FAM227A: variants seen among roughly 807,000 people sequenced by gnomAD.
FAM227A encodes the protein family with sequence similarity 227 member A.
In FAM227A, 80 loss-of-function variants were observed where a neutral mutation model predicts 74.7. That is an observed-to-expected ratio of 1.07 (90% CI 0.89 to 1.29). The LOEUF is 1.29. Among genes scored for constraint, FAM227A ranks in the 50% most tolerant of loss-of-function variants. FAM227A has a pLI of 0.00. For synonymous variants in FAM227A, 237 were observed against 241.8 expected, an observed-to-expected ratio of 0.98 and a Z score of 0.19; for missense variants, 654 against 683.4, an observed-to-expected ratio of 0.96 and a Z score of 0.48.
chr22:38,611,009 G>A (rs951723786), intron 11 of FAM227A, among the ~76,000 whole-genome samples: 11 of 152,130 alleles, frequency 7.2e-5, no homozygotes, highest in Non-Finnish European at 1.3e-4. Context: ...GCAGTGAGCC[G>A]AGATTGTGCC....
chr22:38,597,101 C>A, intron 15 of FAM227A, 103 bp downstream of exon 15: 1 of 1,076,302 alleles, frequency 9.3e-7, no homozygotes, highest in Non-Finnish European at 1.4e-6. Flanking sequence ...ATGATGGTTA[C>A]AGGAAACCCC....
In FAM227A at chr22:38,645,545, C is replaced by G. The variant is rs749833265; in HGVS notation, c.225+18G>C. The G allele has an allele frequency of 1.0e-5, 16 of 1,541,528 alleles. No homozygotes were observed. Among genetic ancestry groups the G allele is most frequent in the South Asian group, 1.2e-5 (1 of 83,780 alleles). On this transcript the variant is annotated intron_variant, in intron 3 of 16. Transcript: ENST00000535113. Reference sequence around the variant, plus strand: ...CCCTGTCAGAAGCTTTGTCTCAGCTCCAGCATAGGTAACTCACCAGGCTGT... The same window carrying G: ...CCCTGTCAGAAGCTTTGTCTCAGCTGCAGCATAGGTAACTCACCAGGCTGT...
Position 38,597,391 on chromosome 22 carries a change from G to A in FAM227A, c.1380-35C>T, listed in dbSNP as rs549176732. The A allele has an allele frequency of 3.2e-6, 5 of 1,549,376 alleles. No homozygotes were observed. In the African/African-American group the frequency reaches 4.1e-5, roughly 13 times the overall value. On this transcript the variant is annotated intron_variant, in intron 14 of 16. Transcript: ENST00000535113. Reference sequence around the variant, plus strand: ...GCTGTCAAGGAAATCCCCGTACTGTGGAACTGTGTTGACGCTGCATTATTA... The same window carrying A: ...GCTGTCAAGGAAATCCCCGTACTGTAGAACTGTGTTGACGCTGCATTATTA...
At chr22:38,626,836 C>G (rs1261887864) in intron 8 of FAM227A, among the ~76,000 whole-genome samples, 2 of 123,278 alleles carry the variant, frequency 1.6e-5, no homozygotes, top group African/African-American at 6.5e-5. Flanking sequence ...ACCGTGCACT[C>G]CAGCCTGGGC....
intron 2 of FAM227A, among the ~76,000 whole-genome samples, chr22:38,646,700 CCATT>C (rs1332322825): frequency 6.6e-6 from 1 of 151,588 alleles, no homozygotes; most frequent in East Asian, 1.9e-4. Flanking sequence ...GGCCACTCTT[CCATT>C]CATTATTATG....
chr22:38,592,335 A>C (rs1324790019), intron 15 of FAM227A, among the ~76,000 whole-genome samples: 1 of 152,190 alleles, frequency 6.6e-6, no homozygotes, highest in Non-Finnish European at 1.5e-5. Flanking sequence ...AAAAATCTTT[A>C]CTACAATTCA....
intron 11 of FAM227A, among the ~76,000 whole-genome samples, chr22:38,612,967 A>G (rs1320465923): frequency 6.8e-6 from 1 of 146,022 alleles, no homozygotes; most frequent in Non-Finnish European, 1.5e-5. Flanking sequence ...AACTTTGGTG[A>G]TGATTCCTCC....
At chr22:38,623,029 A>G in intron 10 of FAM227A, 143 bp downstream of exon 10, 1 of 624,314 alleles carries the variant, frequency 1.6e-6, no homozygotes, top group Non-Finnish European at 2.9e-6. Flanking sequence ...CACAAGCACG[A>G]AGAATTTTGG....
At chr22:38,588,762 T>C (rs901382858) in intron 16 of FAM227A, among the ~76,000 whole-genome samples, 1 of 101,688 alleles carries the variant, frequency 9.8e-6, no homozygotes. Context: ...CTACTAAAAA[T>C]ACAAAAAAAA....
chr22:38,648,450 A>G (rs1325664506), intron 2 of FAM227A, among the ~76,000 whole-genome samples: 1 of 151,272 alleles, frequency 6.6e-6, no homozygotes, highest in Non-Finnish European at 1.5e-5. Context: ...TCTTCTAAAA[A>G]TACAAAATTA....
intron 15 of FAM227A, among the ~76,000 whole-genome samples, chr22:38,593,547 T>A (rs935634745): frequency 3.3e-5 from 5 of 151,954 alleles, no homozygotes; most frequent in South Asian, 2.1e-4. Context: ...AAATAAAGCA[T>A]AATGAACAAC....
At chr22:38,633,546 T>G (rs577052760) in intron 6 of FAM227A, among the ~76,000 whole-genome samples, 2 of 152,212 alleles carry the variant, frequency 1.3e-5, no homozygotes, top group South Asian at 4.1e-4. Context: ...AACTATAATA[T>G]TTTTTTGTTT....
At chr22:38,622,118 T>C (rs867783465) in intron 10 of FAM227A, among the ~76,000 whole-genome samples, 7 of 152,232 alleles carry the variant, frequency 4.6e-5, no homozygotes, top group Admixed American at 6.5e-5. Context: ...ACCACCCCTT[T>C]TTCCAGAAAT....
At chr22:38,635,976 G>C (rs887341982) in intron 6 of FAM227A, among the ~76,000 whole-genome samples, 4 of 150,452 alleles carry the variant, frequency 2.7e-5, no homozygotes, top group Admixed American at 1.3e-4. Context: ...GGGTACAGAG[G>C]GAGACCCTGT....
intron 10 of FAM227A, among the ~76,000 whole-genome samples, chr22:38,621,803 T>C (rs2091696948): frequency 1.3e-5 from 2 of 152,210 alleles, no homozygotes; most frequent in Non-Finnish European, 2.9e-5. Flanking sequence ...GGAGAGATGC[T>C]GATGCTGCAG....
At chr22:38,605,487 G>C in intron 12 of FAM227A, 139 bp from the exon 13 acceptor site, 1 of 600,902 alleles carries the variant, frequency 1.7e-6, no homozygotes, top group Non-Finnish European at 3.0e-6. Context: ...ACGGGGTTTC[G>C]CCATGTTGAC....
At chr22:38,617,389 G>A (rs375978397) in intron 11 of FAM227A, among the ~76,000 whole-genome samples, 5 of 150,102 alleles carry the variant, frequency 3.3e-5, no homozygotes, top group African/African-American at 4.9e-5. Context: ...TCCGCCTCCC[G>A]GGTTAAAGCA....
intron 13 of FAM227A, among the ~76,000 whole-genome samples, chr22:38,600,318 A>G (rs930748668): frequency 7.0e-5 from 10 of 142,454 alleles, no homozygotes; most frequent in East Asian, 3.9e-4. Context: ...GTATGTATGT[A>G]TATATATATA....
chr22:38,646,494 C>T (rs2145721921), intron 2 of FAM227A, among the ~76,000 whole-genome samples: 1 of 150,368 alleles, frequency 6.7e-6, no homozygotes, highest in Middle Eastern at 3.4e-3. Context: ...GATCTCCTGA[C>T]CTCGTGATCC....
Sources: gnomAD v4.1 joint callset for allele counts (sites outside exome capture counted in the v4.1 genomes callset) on GRCh38, gnomAD v4.1.1 for gene constraint, MANE v1.5 for transcripts, NCBI Gene and HGNC (gene_info 2026-07-23, HGNC 2026-07-21) for gene names.